The following BMAL1 variants were observed in gnomAD, a reference collection of about 807,000 sequenced individuals.
BMAL1 encodes basic helix-loop-helix ARNT like 1.
chr11:13,363,246 G>A, the BMAL1 span, among the ~76,000 whole-genome samples: 4 of 148,688 alleles, frequency 2.7e-5, no homozygotes, highest in Non-Finnish European at 6.0e-5. Flanking sequence ...GCAGTGGCAC[G>A]TGCTTAATCG....
the BMAL1 span, among the ~76,000 whole-genome samples, chr11:13,339,013 C>T: frequency 6.6e-6 from 1 of 152,232 alleles, no homozygotes; most frequent in Admixed American, 6.5e-5. Flanking sequence ...CAGCTCCTCC[C>T]TGGATGGGTG....
At chr11:13,384,692 AATT>A in the BMAL1 span, among the ~76,000 whole-genome samples, 1 of 152,218 alleles carries the variant, frequency 6.6e-6, no homozygotes, top group Non-Finnish European at 1.5e-5. Context: ...TCCAGTTGAA[AATT>A]ATTAAGCCAG....
At chr11:13,370,250 C>A in the BMAL1 span, among the ~76,000 whole-genome samples, 1 of 152,166 alleles carries the variant, frequency 6.6e-6, no homozygotes, top group South Asian at 2.1e-4. Flanking sequence ...TTGCTGGCTG[C>A]CCCTCTCTGT....
chr11:13,279,862 A>G, the BMAL1 span, among the ~76,000 whole-genome samples: 4 of 152,252 alleles, frequency 2.6e-5, no homozygotes, highest in Non-Finnish European at 5.9e-5. Context: ...CTGTAGTTAA[A>G]TTTGTTCTTT....
the BMAL1 span, among the ~76,000 whole-genome samples, chr11:13,286,252 A>G: frequency 6.6e-6 from 1 of 152,154 alleles, no homozygotes; most frequent in Non-Finnish European, 1.5e-5. Flanking sequence ...GGACCCATTT[A>G]CCTCAGTCAC....
At chr11:13,346,664 G>C in the BMAL1 span, among the ~76,000 whole-genome samples, 2 of 152,188 alleles carry the variant, frequency 1.3e-5, no homozygotes, top group Non-Finnish European at 2.9e-5. Context: ...GGAATGGAGG[G>C]TGCCCTCTCA....
At chr11:13,338,677 G>T in the BMAL1 span, among the ~76,000 whole-genome samples, 2 of 152,186 alleles carry the variant, frequency 1.3e-5, no homozygotes, top group Non-Finnish European at 2.9e-5. Flanking sequence ...CCTGGAGGTG[G>T]GCATATCTGG....
chr11:13,351,562 C>G, the BMAL1 span, among the ~76,000 whole-genome samples: 1 of 152,254 alleles, frequency 6.6e-6, no homozygotes, highest in Middle Eastern at 3.4e-3. Flanking sequence ...CTAGCTAGAG[C>G]CCCTGGAGAG....
chr11:13,316,866 A>G, the BMAL1 span, among the ~76,000 whole-genome samples: 40 of 152,292 alleles, frequency 2.6e-4, no homozygotes, highest in Middle Eastern at 3.4e-3. Flanking sequence ...GGCCTCTAAG[A>G]CGCCTGCTTC....
At chr11:13,381,276 C>A in the BMAL1 span, 1 of 1,610,176 alleles carries the variant, frequency 6.2e-7, no homozygotes, top group South Asian at 1.1e-5. Flanking sequence ...GATTCTTAGC[C>A]TAAGCTAGAG....
the BMAL1 span, among the ~76,000 whole-genome samples, chr11:13,308,729 C>CA: frequency 1.3e-5 from 2 of 151,376 alleles, no homozygotes; most frequent in African/African-American, 4.8e-5. Flanking sequence ...TATAATTTTG[C>CA]AAAAAGGGAT....
chr11:13,359,399 C>T, the BMAL1 span, among the ~76,000 whole-genome samples: 1 of 152,160 alleles, frequency 6.6e-6, no homozygotes, highest in Non-Finnish European at 1.5e-5. Flanking sequence ...CTGGTTTTGT[C>T]TGACTTTAGA....
At chr11:13,317,268 ATAT>A in the BMAL1 span, among the ~76,000 whole-genome samples, 2 of 152,198 alleles carry the variant, frequency 1.3e-5, no homozygotes, top group East Asian at 1.9e-4. Flanking sequence ...TTATGTCCAG[ATAT>A]TATTATTAGC....
the BMAL1 span, among the ~76,000 whole-genome samples, chr11:13,280,070 C>CTTTTGAAGTTCTGTA: frequency 6.6e-6 from 1 of 152,194 alleles, no homozygotes; most frequent in Non-Finnish European, 1.5e-5. Flanking sequence ...AGGTTCCTCT[C>CTTTTGAAGTTCTGTA]TTTTGAAGTT....
At chr11:13,341,341 AG>A in the BMAL1 span, among the ~76,000 whole-genome samples, 1 of 152,184 alleles carries the variant, frequency 6.6e-6, no homozygotes, top group East Asian at 1.9e-4. Context: ...TTGTGGTGAA[AG>A]GTGCAGGCCA....
chr11:13,368,408 T>A, the BMAL1 span, among the ~76,000 whole-genome samples: 2 of 152,200 alleles, frequency 1.3e-5, no homozygotes, highest in Non-Finnish European at 2.9e-5. Flanking sequence ...CATGGCTTGC[T>A]TGGTGCTATT....
chr11:13,341,973 G>T, the BMAL1 span, among the ~76,000 whole-genome samples: 2 of 152,246 alleles, frequency 1.3e-5, no homozygotes, highest in African/African-American at 4.8e-5. Flanking sequence ...GGCAGGGCAG[G>T]AGGGGTGTGG....
At chr11:13,303,659 T>C in the BMAL1 span, among the ~76,000 whole-genome samples, 1 of 152,158 alleles carries the variant, frequency 6.6e-6, no homozygotes, top group African/African-American at 2.4e-5. Context: ...GTCTCTGCCT[T>C]CTTCAAGGGC....
At chr11:13,386,475 C>A in the BMAL1 span, 2 of 1,061,264 alleles carry the variant, frequency 1.9e-6, no homozygotes, top group East Asian at 2.7e-5. Flanking sequence ...GCCCAAAAAG[C>A]AGCATCTCAC....
Sources: allele counts gnomAD v4.1 joint callset (sites outside exome capture counted in the v4.1 genomes callset), GRCh38; gene constraint gnomAD v4.1.1; transcripts MANE v1.5; gene names NCBI Gene and HGNC (gene_info 2026-07-23, HGNC 2026-07-21).